FSTL5: variants seen among roughly 807,000 people sequenced by gnomAD.
FSTL5 encodes follistatin-related protein 5.
A neutral mutation model predicts 89.1 loss-of-function variants in FSTL5; 62 were observed. The ratio of observed to expected loss-of-function variants is 0.70; its 90% CI spans 0.57 to 0.86. The LOEUF (loss-of-function observed/expected upper bound fraction) is 0.86, where lower values mean the gene tolerates loss of function less well. Among genes scored for constraint, FSTL5 ranks in the 40% least tolerant of loss-of-function variants. The pLI, the probability that FSTL5 is intolerant of heterozygous loss-of-function variation, is 0.00. For synonymous variants in FSTL5, 383 were observed against 346.2 expected (o/e 1.11, Z -1.18); for missense variants, 1,057 against 1,001.6 (o/e 1.06, Z -0.75).
chr4:161,768,828 A>T (rs1437729780), intron 5 of FSTL5, among the ~76,000 whole-genome samples: 5 of 150,684 alleles, frequency 3.3e-5, no homozygotes, highest in Non-Finnish European at 5.9e-5. Flanking sequence ...TCAATAGAAT[A>T]AAAAAAAATA....
At chr4:161,851,927 A>T (rs1729950384) in intron 4 of FSTL5, among the ~76,000 whole-genome samples, 1 of 151,972 alleles carries the variant, frequency 6.6e-6, no homozygotes. Flanking sequence ...ACACACAAGT[A>T]AACACATTTT....
intron 6 of FSTL5, among the ~76,000 whole-genome samples, chr4:161,683,943 T>C (rs1209205295): frequency 6.6e-6 from 1 of 152,204 alleles, no homozygotes; most frequent in East Asian, 1.9e-4. Flanking sequence ...GTGTCATTCT[T>C]ATGCCTTTGC....
At chr4:161,587,708 T>C (rs1733665173) in intron 7 of FSTL5, 133 bp from the exon 8 acceptor site, 1 of 620,172 alleles carries the variant, frequency 1.6e-6, no homozygotes, top group Non-Finnish European at 2.7e-6. Context: ...ATGAGCATTG[T>C]TGGGTGTATA....
intron 3 of FSTL5, 60 bp downstream of exon 3, chr4:162,033,564 TA>T: frequency 1.2e-6 from 1 of 850,880 alleles, no homozygotes; most frequent in Non-Finnish European, 1.8e-6. Flanking sequence ...TAGCATCACA[TA>T]TCTTTTTTCT....
chr4:161,955,065 A>G (rs890104052), intron 3 of FSTL5, among the ~76,000 whole-genome samples: 1 of 151,668 alleles, frequency 6.6e-6, no homozygotes, highest in Non-Finnish European at 1.5e-5. Context: ...TTTTACTCTT[A>G]TAAGACTTTT....
At chr4:161,599,908 A>G (rs934307018) in intron 7 of FSTL5, among the ~76,000 whole-genome samples, 37 of 152,196 alleles carry the variant, frequency 2.4e-4, no homozygotes, top group African/African-American at 8.9e-4. Context: ...TAAAATAAAA[A>G]TAAAATTCAA....
intron 3 of FSTL5, among the ~76,000 whole-genome samples, chr4:161,978,394 C>G (rs1578912371): frequency 6.6e-6 from 1 of 151,832 alleles, no homozygotes; most frequent in East Asian, 1.9e-4. Flanking sequence ...TCAGACATAA[C>G]TTTTTTTTGT....
chr4:162,015,457 T>C (rs1325729168), intron 3 of FSTL5, among the ~76,000 whole-genome samples: 1 of 152,186 alleles, frequency 6.6e-6, no homozygotes, highest in Non-Finnish European at 1.5e-5. Context: ...TCTTCTCTGA[T>C]ATTCATGTGT....
intron 15 of FSTL5, among the ~76,000 whole-genome samples, chr4:161,444,735 T>C (rs538532219): frequency 3.2e-4 from 49 of 151,694 alleles, no homozygotes; most frequent in African/African-American, 8.2e-4. Context: ...AAAGGGAGTG[T>C]TGCAAAGGTT....
At chr4:161,588,014 A>G (rs1733676397) in intron 7 of FSTL5, among the ~76,000 whole-genome samples, 1 of 151,998 alleles carries the variant, frequency 6.6e-6, no homozygotes, top group South Asian at 2.1e-4. Flanking sequence ...TCTCTACTAA[A>G]AATACGTAAA....
intron 8 of FSTL5, among the ~76,000 whole-genome samples, chr4:161,566,873 TC>T (rs1161328939): frequency 2.0e-5 from 3 of 152,124 alleles, no homozygotes; most frequent in African/African-American, 7.2e-5. Context: ...TTCTATATTT[TC>T]CCAGTGCACC....
chr4:161,927,905 G>C (rs1320720180), intron 3 of FSTL5, among the ~76,000 whole-genome samples: 2 of 151,560 alleles, frequency 1.3e-5, no homozygotes, highest in Admixed American at 1.3e-4. Flanking sequence ...GGCAAGTACA[G>C]AGTTCCCATA....
chr4:162,038,020 C>G (rs569367874), intron 2 of FSTL5, among the ~76,000 whole-genome samples: 1 of 151,840 alleles, frequency 6.6e-6, no homozygotes, highest in African/African-American at 2.4e-5. Context: ...TCACGAGTGA[C>G]CAGAAACTTT....
intron 3 of FSTL5, among the ~76,000 whole-genome samples, chr4:161,946,262 GATTAATTTTGTATCC>G (rs1734731613): frequency 6.6e-6 from 1 of 152,114 alleles, no homozygotes; most frequent in Admixed American, 6.6e-5. Flanking sequence ...GAGTCATAGT[GATTAATTTTGTATCC>G]ATTAATTGCT....
At chr4:161,519,165 G>A (rs1472939444) in intron 10 of FSTL5, among the ~76,000 whole-genome samples, 1 of 152,178 alleles carries the variant, frequency 6.6e-6, no homozygotes, top group Non-Finnish European at 1.5e-5. Context: ...GACATTTACT[G>A]TTTCAACGTG....
intron 15 of FSTL5, among the ~76,000 whole-genome samples, chr4:161,399,755 G>A (rs1475415088): frequency 1.3e-5 from 2 of 152,102 alleles, no homozygotes; most frequent in Admixed American, 6.6e-5. Flanking sequence ...TGCTCACGTG[G>A]AGTGGAGATG....
chr4:161,935,348 T>A (rs1734403109), intron 3 of FSTL5, among the ~76,000 whole-genome samples: 2 of 152,164 alleles, frequency 1.3e-5, no homozygotes, highest in Admixed American at 1.3e-4. Flanking sequence ...TGATGCAGAA[T>A]CTTTGCCTTT....
At chr4:161,634,069 A>G (rs1735600607) in intron 7 of FSTL5, among the ~76,000 whole-genome samples, 1 of 152,342 alleles carries the variant, frequency 6.6e-6, no homozygotes, top group East Asian at 1.9e-4. Flanking sequence ...GTTCCTAATC[A>G]AAAGTTAATG....
chr4:161,678,566 T>C (rs1408174938), intron 6 of FSTL5, among the ~76,000 whole-genome samples: 9 of 151,728 alleles, frequency 5.9e-5, no homozygotes, highest in African/African-American at 2.2e-4. Context: ...TCACTTTTGA[T>C]CAACAGAAAG....
Sources: allele counts gnomAD v4.1 joint callset (sites outside exome capture counted in the v4.1 genomes callset), GRCh38; gene constraint gnomAD v4.1.1; transcripts MANE v1.5; gene names NCBI Gene and HGNC (gene_info 2026-07-23, HGNC 2026-07-21).